Variants in B3GLCT observed in about 807,000 individuals in gnomAD.
B3GLCT encodes beta 3-glucosyltransferase.
A neutral mutation model predicts 63.4 loss-of-function variants in B3GLCT; 65 were observed. The observed-to-expected ratio is 1.03, with a 90% confidence interval of 0.84 to 1.26. The LOEUF (loss-of-function observed/expected upper bound fraction) is 1.26, where lower values mean the gene tolerates loss of function less well. B3GLCT is among the 50% of genes most tolerant of loss of function. The pLI, the probability that B3GLCT is intolerant of heterozygous loss-of-function variation, is 0.00. For missense variants in B3GLCT, 577 were observed against 604.8 expected, an observed-to-expected ratio of 0.95 and a Z score of 0.48; for synonymous variants, 233 against 219.2, an observed-to-expected ratio of 1.06 and a Z score of -0.55.
At chr13:31,200,179 C>A in intron 1 of B3GLCT, 25 bp downstream of exon 1, 1 of 1,277,458 alleles carries the variant, frequency 7.8e-7, no homozygotes. Context: ...GCCAGGCGCG[C>A]AAGGGCGAGG....
intron 6 of B3GLCT, among the ~76,000 whole-genome samples, chr13:31,256,323 G>A (rs1324141653): frequency 6.6e-6 from 1 of 152,228 alleles, no homozygotes; most frequent in Non-Finnish European, 1.5e-5. Context: ...CTTTTACACT[G>A]TTGGTGGGAG....
At chr13:31,201,980 G>C (rs1243905342) in intron 1 of B3GLCT, among the ~76,000 whole-genome samples, 1 of 152,148 alleles carries the variant, frequency 6.6e-6, no homozygotes, top group Non-Finnish European at 1.5e-5. Flanking sequence ...TATTCTTCGA[G>C]GTCTGAAGTG....
At chr13:31,327,042 G>A (rs1875660517) in intron 14 of B3GLCT, among the ~76,000 whole-genome samples, 1 of 152,086 alleles carries the variant, frequency 6.6e-6, no homozygotes, top group East Asian at 1.9e-4. Context: ...TTTTACAGTA[G>A]TCCTTCCTTA....
At chr13:31,284,318 G>A (rs113965927) in intron 10 of B3GLCT, among the ~76,000 whole-genome samples, 2 of 152,232 alleles carry the variant, frequency 1.3e-5, no homozygotes, top group African/African-American at 4.8e-5. Flanking sequence ...TTCTCTTACC[G>A]TGCTCCGTGG....
intron 4 of B3GLCT, among the ~76,000 whole-genome samples, chr13:31,231,330 T>TA (rs1870370838): frequency 6.6e-6 from 1 of 152,204 alleles, no homozygotes; most frequent in African/African-American, 2.4e-5. Context: ...AGGCATCCCT[T>TA]ACTCATATGA....
At chr13:31,232,477 C>G (rs1238576083) in intron 4 of B3GLCT, among the ~76,000 whole-genome samples, 4 of 152,156 alleles carry the variant, frequency 2.6e-5, no homozygotes, top group African/African-American at 9.7e-5. Context: ...CAATAACTCA[C>G]TCTCCTCACG....
chr13:31,310,504 A>T (rs921646192), intron 12 of B3GLCT, among the ~76,000 whole-genome samples: 3 of 152,172 alleles, frequency 2.0e-5, no homozygotes, highest in Non-Finnish European at 2.9e-5. Flanking sequence ...CCTAGACCTC[A>T]GGATTCCCTG....
intron 1 of B3GLCT, among the ~76,000 whole-genome samples, chr13:31,213,189 A>G (rs1294553973): frequency 6.6e-6 from 1 of 152,234 alleles, no homozygotes; most frequent in Non-Finnish European, 1.5e-5. Flanking sequence ...ATGTGACTCT[A>G]GGGTCCCCCA....
intron 13 of B3GLCT, among the ~76,000 whole-genome samples, chr13:31,320,448 C>G (rs764179225): frequency 6.6e-5 from 10 of 152,320 alleles, no homozygotes; most frequent in Non-Finnish European, 1.2e-4. Context: ...GCTGCCATGG[C>G]TGTCTTGCTA....
At chr13:31,278,438 T>G (rs1872901555) in intron 10 of B3GLCT, among the ~76,000 whole-genome samples, 1 of 152,186 alleles carries the variant, frequency 6.6e-6, no homozygotes, top group Admixed American at 6.5e-5. Context: ...TAAAAGCCTA[T>G]TAGGAGCATT....
At chr13:31,323,494 A>T (rs555378655) in intron 13 of B3GLCT, among the ~76,000 whole-genome samples, 7 of 152,330 alleles carry the variant, frequency 4.6e-5, no homozygotes, top group Admixed American at 3.9e-4. Context: ...CTACCTTAGG[A>T]TCAGAATGAA....
chr13:31,265,126 A>G (rs1435806779), intron 7 of B3GLCT, among the ~76,000 whole-genome samples: 1 of 152,220 alleles, frequency 6.6e-6, no homozygotes, highest in Non-Finnish European at 1.5e-5. Context: ...GGTTGGGCCA[A>G]CTGCATGTGT....
chr13:31,296,713 T>A (rs199793651), intron 12 of B3GLCT, among the ~76,000 whole-genome samples: 1 of 147,368 alleles, frequency 6.8e-6, no homozygotes, highest in Admixed American at 6.8e-5. Flanking sequence ...ATTTTTTTTT[T>A]ATCACCATCT....
chr13:31,297,469 G>T (rs1001197261), intron 12 of B3GLCT, among the ~76,000 whole-genome samples: 9 of 150,944 alleles, frequency 6.0e-5, no homozygotes, highest in African/African-American at 2.2e-4. Flanking sequence ...AAAAAACTGA[G>T]CTATTTTCCC....
At position 31,261,074 on chromosome 13, in the gene B3GLCT, T is replaced by C; in HGVS notation, c.588T>C (p.Leu196=). The C allele has an allele frequency of 6.2e-7, 1 of 1,613,276 alleles. No individual in the cohort carries two copies. Among genetic ancestry groups the C allele is most frequent in the Non-Finnish European group, 8.5e-7 (1 of 1,179,832 alleles). ...FAAGWALSIP[L]VNKLTKRLKS... ...CAGGCTGGGCCTTAAGTATTCCACT[T>C]GTAAACAAGTAAGAATTTATTGGAA... Residue 196 remains leucine, a synonymous_variant, in exon 7 of 15, where the codon CTT becomes CTC. Coordinates refer to ENST00000343307, the MANE Select transcript of B3GLCT (RefSeq NM_194318.4).
At chr13:31,324,715 T>C (rs1593323430) in intron 14 of B3GLCT, among the ~76,000 whole-genome samples, 1 of 152,098 alleles carries the variant, frequency 6.6e-6, no homozygotes, top group African/African-American at 2.4e-5. Flanking sequence ...TTTTATGCCT[T>C]ATTTATTTAT....
chr13:31,291,762 C>T (rs1381797224), intron 12 of B3GLCT, among the ~76,000 whole-genome samples: 1 of 152,178 alleles, frequency 6.6e-6, no homozygotes, highest in Non-Finnish European at 1.5e-5. Context: ...CATCTGCAAA[C>T]AGAGACAATC....
chr13:31,219,114 G>A (rs561449562), intron 2 of B3GLCT, among the ~76,000 whole-genome samples: 30 of 152,030 alleles, frequency 2.0e-4, no homozygotes, highest in Non-Finnish European at 4.0e-4. Context: ...GTATCATTCT[G>A]ATACCAAAAC....
At chr13:31,323,479 C>G (rs183852063) in intron 13 of B3GLCT, among the ~76,000 whole-genome samples, 1 of 152,288 alleles carries the variant, frequency 6.6e-6, no homozygotes, top group Admixed American at 6.5e-5. Context: ...TGAAAAGATT[C>G]ATTTCTACCT....
Sources: allele counts gnomAD v4.1 joint callset (sites outside exome capture counted in the v4.1 genomes callset), GRCh38; gene constraint gnomAD v4.1.1; transcripts MANE v1.5; gene names NCBI Gene and HGNC (gene_info 2026-07-23, HGNC 2026-07-21).